NCKAP5: variants seen among roughly 807,000 people sequenced by gnomAD.
NCKAP5 encodes the protein NCK associated protein 5, also known as nck-associated protein 5.
In NCKAP5, 92 loss-of-function variants were observed where a neutral mutation model predicts 167.0. That is an observed-to-expected ratio of 0.55 (90% CI 0.47 to 0.66). NCKAP5 has a LOEUF of 0.66. Ranked by LOEUF, NCKAP5 falls within the 30% of genes least tolerant of loss-of-function variation. The pLI, the probability that NCKAP5 is intolerant of heterozygous loss-of-function variation, is 0.00. For synonymous variants in NCKAP5, 891 were observed against 877.4 expected, an observed-to-expected ratio of 1.02 and a Z score of -0.27; for missense variants, 2,378 against 2,315.0, an observed-to-expected ratio of 1.03 and a Z score of -0.56.
At chr2:133,504,245 T>C (rs6736284) in intron 3 of NCKAP5, among the ~76,000 whole-genome samples, 27,426 of 92,618 alleles carry the variant, frequency 0.3, 3,158 homozygotes, top group East Asian at 0.52. Context: ...ATCCCTGGTG[T>C]ATCTGTTGTA....
At chr2:132,853,583 T>C (rs565924721) in intron 11 of NCKAP5, among the ~76,000 whole-genome samples, 1 of 152,238 alleles carries the variant, frequency 6.6e-6, no homozygotes, top group East Asian at 1.9e-4. Flanking sequence ...TAGGAGGATA[T>C]GAAGAATAGA....
At chr2:132,844,550 C>A (rs371483580) in intron 11 of NCKAP5, among the ~76,000 whole-genome samples, 6 of 152,192 alleles carry the variant, frequency 3.9e-5, no homozygotes, top group African/African-American at 1.2e-4. Context: ...TATCACATAA[C>A]CTGTATTGCT....
Position 133,186,402 on chromosome 2 carries a change from C to T in NCKAP5, c.207+27314G>A, listed in dbSNP as rs186415950. ...TTGCATCTATGTTCATCAGGGATAT[C>T]GGCCTGCGGTTTTCTGTTTTCACTG... On this transcript the variant is annotated intron_variant, in intron 5 of 19. Transcript: ENST00000409261. Among the ~76,000 whole-genome samples, 504 of 151,968 alleles carry T rather than the reference C, an allele frequency of 3.3e-3. 3 individuals carry two copies. The highest frequency in any genetic ancestry group is 0.011 in the African/African-American group (449 of 41,494).
In NCKAP5 at chr2:132,790,035, G is replaced by C. The variant is rs1409739761; in HGVS notation, c.1080C>G (p.Asn360Lys). Residue 360 changes from asparagine (N) to lysine (K), a missense_variant, in exon 13 of 20, where the codon AAC becomes AAG. Asn to Lys is a moderately conservative substitution (Grantham distance 94). This residue lies in a region of NCKAP5 where 1,049 missense variants were observed against 1,023.4 expected (regional missense o/e 1.02). Transcript: ENST00000409261. Reference protein sequence around the residue: ...GSSYTWHDGKNLRKRQSSQNW... With the variant: ...GSSYTWHDGKKLRKRQSSQNW... ...CACAGTGCCTTACCCTTTTCCTGAG[G>C]TTCTTCCCATCGTGCCACGTGTAGG... is the stretch of plus-strand genomic sequence containing the variant. 1.2e-6 allele frequency: 2 copies of C among 1,612,330 alleles called. No individual in the cohort carries two copies. Among genetic ancestry groups the C allele is most frequent in the Non-Finnish European group, 1.7e-6 (2 of 1,179,114 alleles).
chr2:133,094,258 T>C (rs558041995), intron 6 of NCKAP5, among the ~76,000 whole-genome samples: 20 of 152,134 alleles, frequency 1.3e-4, no homozygotes, highest in Non-Finnish European at 2.4e-4. Context: ...GAGAGAGATA[T>C]AGGAGGGAGC....
chr2:133,439,306 T>C (rs1483258949), intron 3 of NCKAP5, among the ~76,000 whole-genome samples: 1 of 152,218 alleles, frequency 6.6e-6, no homozygotes, highest in East Asian at 1.9e-4. Flanking sequence ...CTTCTTTGGT[T>C]TCTTATTAAA....
chr2:133,168,809 C>T (rs1559218091), intron 5 of NCKAP5, among the ~76,000 whole-genome samples: 1 of 152,098 alleles, frequency 6.6e-6, no homozygotes. Context: ...ATGTTAATGG[C>T]ACAGATTTCA....
At chr2:133,220,502 C>T (rs2086616208) in intron 4 of NCKAP5, among the ~76,000 whole-genome samples, 1 of 152,044 alleles carries the variant, frequency 6.6e-6, no homozygotes, top group Admixed American at 6.5e-5. Context: ...TCAATATAGC[C>T]CCAGACTATC....
intron 19 of NCKAP5, among the ~76,000 whole-genome samples, chr2:132,692,853 G>T (rs1222637323): frequency 3.9e-5 from 6 of 152,154 alleles, no homozygotes; most frequent in Admixed American, 2.0e-4. Context: ...CCACATCTCT[G>T]CTATCTTTCT....
At chr2:132,733,059 G>A (rs575601434) in intron 16 of NCKAP5, among the ~76,000 whole-genome samples, 1 of 152,346 alleles carries the variant, frequency 6.6e-6, no homozygotes, top group East Asian at 1.9e-4. Context: ...ATTTCACCAT[G>A]TGTGTGACAT....
At chr2:132,845,104 C>T (rs1688566020) in intron 11 of NCKAP5, among the ~76,000 whole-genome samples, 1 of 152,052 alleles carries the variant, frequency 6.6e-6, no homozygotes, top group South Asian at 2.1e-4. Flanking sequence ...TTTGTGTTTC[C>T]TCTCCTGTTA....
intron 19 of NCKAP5, among the ~76,000 whole-genome samples, chr2:132,694,135 A>AT (rs1290386933): frequency 6.7e-6 from 1 of 149,840 alleles, no homozygotes; most frequent in East Asian, 1.9e-4. Context: ...TTATTTATTT[A>AT]TTTTTTGAAT....
At chr2:133,639,449 G>T in the NCKAP5 span, among the ~76,000 whole-genome samples, 1 of 152,132 alleles carries the variant, frequency 6.6e-6, no homozygotes, top group Non-Finnish European at 1.5e-5. Context: ...ACACTATCTG[G>T]ATTAGGGGTA....
At chr2:133,233,168 C>G (rs1312728786) in intron 4 of NCKAP5, among the ~76,000 whole-genome samples, 1 of 152,118 alleles carries the variant, frequency 6.6e-6, no homozygotes, top group Non-Finnish European at 1.5e-5. Context: ...GAAAGGCTGA[C>G]AACACAACTC....
the NCKAP5 span, among the ~76,000 whole-genome samples, chr2:133,670,884 G>A: frequency 1.3e-5 from 2 of 152,166 alleles, no homozygotes; most frequent in Non-Finnish European, 2.9e-5. Context: ...CTGTAGCAAA[G>A]GCCCTAATAT....
At chr2:133,483,632 G>C (rs1338019495) in intron 3 of NCKAP5, among the ~76,000 whole-genome samples, 1 of 151,036 alleles carries the variant, frequency 6.6e-6, no homozygotes, top group African/African-American at 2.4e-5. Flanking sequence ...AAAAAAGGGG[G>C]GGGGGCTTTT....
At chr2:133,225,285 A>G (rs1337848792) in intron 4 of NCKAP5, among the ~76,000 whole-genome samples, 1 of 152,214 alleles carries the variant, frequency 6.6e-6, no homozygotes, top group Non-Finnish European at 1.5e-5. Context: ...CCTAAGGAGC[A>G]TTACATACCT....
intron 8 of NCKAP5, 34 bp downstream of exon 8, chr2:132,963,686 T>C (rs1242229527): frequency 6.2e-7 from 1 of 1,603,718 alleles, no homozygotes; most frequent in Non-Finnish European, 8.5e-7. Flanking sequence ...CTGTTATTTT[T>C]CTTGAAGAGT....
At position 133,456,977 on chromosome 2, in the gene NCKAP5, C is replaced by T. The variant is rs139105667; in HGVS notation, c.69+60481G>A. Among the ~76,000 whole-genome samples the T allele has an allele frequency of 2.8e-3, 428 of 152,250 alleles. 4 individuals are homozygous for T. The highest frequency in any genetic ancestry group is 9.9e-3 in the African/African-American group (412 of 41,554). ...CATTTCTGCACTGTCCAACCAATGT[C>T]TTCCGTTAACACAGCTATGAGCTTC... On this transcript the variant is annotated intron_variant, in intron 3 of 19. Coordinates refer to ENST00000409261, the MANE Select transcript of NCKAP5 (RefSeq NM_207363.3).
Sources: gnomAD v4.1 joint callset for allele counts (sites outside exome capture counted in the v4.1 genomes callset) on GRCh38, gnomAD v4.1.1 for gene constraint, gnomAD v4.1.1 regional missense constraint, MANE v1.5 for transcripts, NCBI Gene and HGNC (gene_info 2026-07-23, HGNC 2026-07-21) for gene names.